Variants in FKBP5 observed in about 807,000 individuals in gnomAD.
FKBP5 encodes the protein peptidyl-prolyl cis-trans isomerase FKBP5.
Under a neutral mutation model 50.5 loss-of-function variants are expected in FKBP5, and 23 were observed. The observed-to-expected ratio is 0.46, with a 90% confidence interval of 0.33 to 0.65. FKBP5 has a LOEUF of 0.65. Among genes scored for constraint, FKBP5 ranks in the 30% least tolerant of loss-of-function variants. FKBP5 has a pLI of 0.02. For synonymous variants in FKBP5, 176 were observed against 190.6 expected (o/e 0.92, Z 0.63); for missense variants, 411 against 553.1 (o/e 0.74, Z 2.58).
At chr6:35,583,618 T>A in intron 8 of FKBP5, 1 of 956,918 alleles carries the variant, frequency 1.0e-6, no homozygotes, top group Non-Finnish European at 1.2e-6. Context: ...GGAGGCATTT[T>A]TAGTTGTCAT....
chr6:35,696,981 G>A (rs148691950), intron 2 of FKBP5, among the ~76,000 whole-genome samples: 1 of 152,146 alleles, frequency 6.6e-6, no homozygotes, highest in Non-Finnish European at 1.5e-5. Flanking sequence ...ATGCATTGCT[G>A]GTGGGAATGT....
At chr6:35,683,537 C>T (rs1244937057) in intron 1 of FKBP5, among the ~76,000 whole-genome samples, 1 of 151,632 alleles carries the variant, frequency 6.6e-6, no homozygotes, top group African/African-American at 2.4e-5. Context: ...GCAATCTCAG[C>T]TCATTCCAAC....
At chr6:35,590,884 A>C (rs1382625334) in intron 7 of FKBP5, among the ~76,000 whole-genome samples, 2 of 144,658 alleles carry the variant, frequency 1.4e-5, no homozygotes, top group African/African-American at 5.3e-5. Flanking sequence ...CTACCCAAAA[A>C]AGTTAAAAAA....
At chr6:35,619,827 C>A (rs564883937) in intron 4 of FKBP5, among the ~76,000 whole-genome samples, 2 of 152,294 alleles carry the variant, frequency 1.3e-5, no homozygotes, top group African/African-American at 4.8e-5. Flanking sequence ...ACATTTCCAT[C>A]CTGTACTCTG....
intron 1 of FKBP5, among the ~76,000 whole-genome samples, chr6:35,648,897 G>A (rs1256175270): frequency 1.3e-5 from 2 of 151,910 alleles, no homozygotes; most frequent in African/African-American, 4.8e-5. Flanking sequence ...TGCAGTGAGC[G>A]GAGATTGTGC....
intron 5 of FKBP5, among the ~76,000 whole-genome samples, chr6:35,605,053 G>T (rs1476440599): frequency 6.6e-6 from 1 of 152,124 alleles, no homozygotes; most frequent in East Asian, 1.9e-4. Context: ...AAAGTGCTGG[G>T]ATTACAGGCG....
At chr6:35,692,749 C>A (rs574667743), upstream of FKBP5, among the ~76,000 whole-genome samples, 56 of 149,382 alleles carry the variant, frequency 3.7e-4, no homozygotes, top group African/African-American at 1.4e-3. Flanking sequence ...CAAGATTGCA[C>A]CACTGCACTC....
rs77113718 is a variant in FKBP5 at position 35,636,217 on chromosome 6, G to A, written c.250+797C>T. Among the ~76,000 whole-genome samples the A allele has an allele frequency of 3.9e-3, 596 of 152,258 alleles. 5 individuals are homozygous for A. Among genetic ancestry groups the A allele is most frequent in the African/African-American group, 0.011 (472 of 41,562 alleles). On this transcript the variant is annotated intron_variant, in intron 3 of 10. Transcript: ENST00000357266. Reference sequence around the variant, plus strand: ...CTCATCAGAAAAGTCTTCGGAAGCTGTCAAGCCCACAGTGGCAAATAAGCC... The same window carrying A: ...CTCATCAGAAAAGTCTTCGGAAGCTATCAAGCCCACAGTGGCAAATAAGCC...
chr6:35,672,160 G>T (rs1581870864), intron 1 of FKBP5, among the ~76,000 whole-genome samples: 1 of 152,004 alleles, frequency 6.6e-6, no homozygotes, highest in African/African-American at 2.4e-5. Flanking sequence ...GAGCGACCGT[G>T]ACCGGCCACT....
intron 1 of FKBP5, among the ~76,000 whole-genome samples, chr6:35,724,801 G>A (rs1317908978): frequency 1.3e-5 from 2 of 151,522 alleles, no homozygotes; most frequent in Non-Finnish European, 2.9e-5. Flanking sequence ...AGACAGACCT[G>A]AGTGTGAATC....
intron 3 of FKBP5, among the ~76,000 whole-genome samples, chr6:35,627,628 T>A (rs1000536352): frequency 6.6e-6 from 1 of 152,204 alleles, no homozygotes; most frequent in African/African-American, 2.4e-5. Context: ...GTATTCTAAT[T>A]TATGTTTAAT....
At chr6:35,674,660 A>G (rs939208965) in intron 1 of FKBP5, among the ~76,000 whole-genome samples, 1 of 152,226 alleles carries the variant, frequency 6.6e-6, no homozygotes, top group Non-Finnish European at 1.5e-5. Context: ...TTTTACATGT[A>G]TTAACTCATT....
At chr6:35,617,159 A>C (rs2150976094) in intron 5 of FKBP5, among the ~76,000 whole-genome samples, 2 of 152,266 alleles carry the variant, frequency 1.3e-5, no homozygotes, top group Middle Eastern at 6.8e-3. Flanking sequence ...ACTTATCCCA[A>C]ATGGCAATTT....
intron 1 of FKBP5, among the ~76,000 whole-genome samples, chr6:35,727,223 C>A (rs1042362796): frequency 6.6e-6 from 1 of 152,198 alleles, no homozygotes; most frequent in Non-Finnish European, 1.5e-5. Context: ...CAATACAGAG[C>A]CTTCCACACG....
In FKBP5 at chr6:35,577,024, C is replaced by T; in HGVS notation, c.1236G>A (p.Met412Ile). The change falls in exon 10 of 11, where the codon ATG becomes ATA. Residue 412 changes from methionine (M) to isoleucine (I), a missense_variant. Physicochemically the swap from Met to Ile is conservative, Grantham distance 10 (BLOSUM62 1). This residue lies in a region of FKBP5 where 88 missense variants were observed against 89.0 expected (regional missense o/e 0.99). Transcript: ENST00000357266. ...CATCCTGCTCTGCAAACTTCTTGAA[C>T]ATGTTGGCGTATATCCTGCGGTCCC... ...NERDRRIYAN[M>I]FKKFAEQDAK... The T allele has an allele frequency of 6.2e-7, 1 of 1,614,194 alleles. No homozygotes were observed.
At chr6:35,675,373 C>T (rs1408051171) in intron 1 of FKBP5, among the ~76,000 whole-genome samples, 1 of 152,120 alleles carries the variant, frequency 6.6e-6, no homozygotes, top group African/African-American at 2.4e-5. Flanking sequence ...AGTTTGAGAC[C>T]AGCCTGACCA....
At position 35,680,007 on chromosome 6, in the gene FKBP5, T is replaced by C. The variant is rs1172168831; in HGVS notation, c.-20+8797A>G. ...TGAGTAAAGGCAAAATAAATGTTTATGTTGAATATCAATGATTAATTTGTT... is the reference window on the plus strand; with the variant it reads ...TGAGTAAAGGCAAAATAAATGTTTACGTTGAATATCAATGATTAATTTGTT... On this transcript the variant is annotated intron_variant, in intron 1 of 10. Transcript: ENST00000357266. Among the ~76,000 whole-genome samples the C allele has an allele frequency of 2.0e-5, 3 of 152,158 alleles. No homozygotes were observed. In the East Asian group the frequency reaches 5.8e-4, roughly 29 times the overall value.
At chr6:35,675,803 C>T (rs543800483) in intron 1 of FKBP5, among the ~76,000 whole-genome samples, 96 of 152,198 alleles carry the variant, frequency 6.3e-4, no homozygotes, top group African/African-American at 2.2e-3. Flanking sequence ...TCATCATCAT[C>T]GAAACTTAGG....
chr6:35,632,748 G>A (rs1483432296), intron 3 of FKBP5, among the ~76,000 whole-genome samples: 1 of 152,006 alleles, frequency 6.6e-6, no homozygotes, highest in Non-Finnish European at 1.5e-5. Context: ...AATTAGCCAG[G>A]TGTGGTGGCG....
Sources: allele counts gnomAD v4.1 joint callset (sites outside exome capture counted in the v4.1 genomes callset), GRCh38; gene constraint gnomAD v4.1.1; regional missense constraint gnomAD v4.1.1; transcripts MANE v1.5; gene names NCBI Gene and HGNC (gene_info 2026-07-23, HGNC 2026-07-21).